Variants in SUMF1 observed in about 807,000 individuals in gnomAD.
SUMF1 encodes formylglycine-generating enzyme.
In SUMF1, 48 loss-of-function variants were observed where a neutral mutation model predicts 47.6. That is an observed-to-expected ratio of 1.01 (90% confidence interval 0.80 to 1.28). The LOEUF is 1.28. SUMF1 is among the 50% of genes most tolerant of loss of function. The pLI, the probability that SUMF1 is intolerant of heterozygous loss-of-function variation, is 0.00. For missense variants in SUMF1, 571 were observed against 485.4 expected, an observed-to-expected ratio of 1.18 and a Z score of -1.66; for synonymous variants, 230 against 192.1, an observed-to-expected ratio of 1.20 and a Z score of -1.63.
chr3:4,037,688 G>A (rs1694823823), intron 9 of SUMF1, among the ~76,000 whole-genome samples: 1 of 152,122 alleles, frequency 6.6e-6, no homozygotes, highest in African/African-American at 2.4e-5. Flanking sequence ...AAGAACCCTT[G>A]TTGGAGAACT....
At chr3:4,256,685 G>T (rs1383354161) in intron 8 of SUMF1, among the ~76,000 whole-genome samples, 5 of 152,086 alleles carry the variant, frequency 3.3e-5, no homozygotes, top group Non-Finnish European at 5.9e-5. Flanking sequence ...TCTACCAGAG[G>T]TACAAGGAGG....
chr3:4,250,807 C>A (rs764495211), intron 8 of SUMF1, among the ~76,000 whole-genome samples: 43 of 152,114 alleles, frequency 2.8e-4, no homozygotes, highest in Non-Finnish European at 5.3e-4. Flanking sequence ...GATATTTAAG[C>A]CCACTGTTGA....
At chr3:4,409,065 G>C (rs1056625335) in intron 7 of SUMF1, among the ~76,000 whole-genome samples, 3 of 152,098 alleles carry the variant, frequency 2.0e-5, no homozygotes, top group African/African-American at 7.2e-5. Flanking sequence ...TTTAAACAGG[G>C]GAGTGACCTC....
intron 8 of SUMF1, among the ~76,000 whole-genome samples, chr3:4,073,324 T>G (rs557420780): frequency 5.6e-4 from 85 of 151,984 alleles, no homozygotes; most frequent in African/African-American, 2.0e-3. Flanking sequence ...TTACAAGAGC[T>G]CCTAAAGGAA....
At chr3:4,340,540 C>T (rs1699250568) in intron 8 of SUMF1, among the ~76,000 whole-genome samples, 1 of 152,094 alleles carries the variant, frequency 6.6e-6, no homozygotes, top group East Asian at 1.9e-4. Context: ...AAGTGACTTG[C>T]GATGGGGGTG....
chr3:4,142,819 CA>C lies in SUMF1; in HGVS notation c.1015-74075del, dbSNP rs1334853392. The stretch of plus-strand genomic sequence containing the variant: ...AGAGGGGATTTGCAAATTGAGCCCC[CA>C]AAAAGCCATCCATGGACTCCAGGTT... On this transcript the variant is annotated intron_variant and NMD_transcript_variant, in intron 8 of 12. Transcript: ENST00000448413. Among the ~76,000 whole-genome samples the C allele has an allele frequency of 2.0e-5, 3 of 151,882 alleles. No individual in the cohort carries two copies. The East Asian group carries it at 5.8e-4, about 29-fold the overall frequency.
In SUMF1 at chr3:4,352,524, T is replaced by C. The variant is rs76452305; in HGVS notation, c.1014+23806A>G. ...AATACAGCCACCATCTGGGGAAAGATGGCTGGGGACATGGCAGGGTCCCAC... is the reference window on the plus strand; with the variant it reads ...AATACAGCCACCATCTGGGGAAAGACGGCTGGGGACATGGCAGGGTCCCAC... On this transcript the variant is annotated intron_variant and NMD_transcript_variant, in intron 8 of 12. Transcript: ENST00000448413. Among the ~76,000 whole-genome samples the C allele has an allele frequency of 2.4e-4, 36 of 152,236 alleles. No homozygotes were observed. The East Asian group carries it at 6.8e-3, about 29-fold the overall frequency.
intron 8 of SUMF1, among the ~76,000 whole-genome samples, chr3:4,170,132 A>G (rs549293565): frequency 4.1e-4 from 62 of 152,254 alleles, no homozygotes; most frequent in African/African-American, 1.3e-3. Context: ...TTATTTATAT[A>G]TTGTCTATGG....
intron 8 of SUMF1, among the ~76,000 whole-genome samples, chr3:4,176,878 G>C (rs1001778327): frequency 7.2e-5 from 11 of 152,020 alleles, no homozygotes; most frequent in African/African-American, 2.7e-4. Context: ...AAAAAAGCAG[G>C]GGTTGCAATC....
intron 3 of SUMF1, among the ~76,000 whole-genome samples, chr3:4,424,985 C>T (rs967237123): frequency 6.6e-5 from 10 of 152,194 alleles, no homozygotes; most frequent in Non-Finnish European, 1.5e-4. Context: ...CTGACCTCTA[C>T]CCACCAGATG....
At chr3:4,436,076 G>A (rs1702386491) in intron 3 of SUMF1, among the ~76,000 whole-genome samples, 1 of 152,150 alleles carries the variant, frequency 6.6e-6, no homozygotes, top group African/African-American at 2.4e-5. Flanking sequence ...GAGGCCAGGA[G>A]TTTGAGACCA....
chr3:4,317,588 G>C (rs1454300795), intron 8 of SUMF1: 1 of 164,420 alleles, frequency 6.1e-6, no homozygotes, highest in Non-Finnish European at 1.3e-5. Context: ...GAATAATAAC[G>C]ATCACACTTG....
chr3:4,211,177 TATATAC>T (rs1311750758), intron 8 of SUMF1, among the ~76,000 whole-genome samples: 99 of 110,966 alleles, frequency 8.9e-4, no homozygotes, highest in Non-Finnish European at 1.5e-3. Flanking sequence ...TACACACATA[TATATAC>T]ATATACATAT....
Position 4,253,993 on chromosome 3 carries a change from G to A in SUMF1, c.1014+122337C>T, listed in dbSNP as rs748545740. 2.2e-3 allele frequency among the ~76,000 whole-genome samples: 334 copies of A among 149,556 alleles called. 2 individuals are homozygous for A. The highest frequency in any genetic ancestry group is 3.6e-3 in the Non-Finnish European group (240 of 66,746). ...CAGCCTAACTGGGAGGCACCCCCCA[G>A]CAAGGGCACACTGACACCACACACA... On this transcript the variant is annotated intron_variant and NMD_transcript_variant, in intron 8 of 12. Transcript: ENST00000448413.
intron 3 of SUMF1, among the ~76,000 whole-genome samples, chr3:4,445,427 TC>T (rs1702747374): frequency 6.6e-6 from 1 of 152,182 alleles, no homozygotes; most frequent in African/African-American, 2.4e-5. Context: ...AACCTCGAAC[TC>T]CTGGGCTCAA....
chr3:4,121,277 T>G (rs1693534497), intron 8 of SUMF1, among the ~76,000 whole-genome samples: 1 of 152,140 alleles, frequency 6.6e-6, no homozygotes, highest in African/African-American at 2.4e-5. Context: ...GAGTCCAAAA[T>G]GATTAAATGA....
At chr3:4,354,823 C>T (rs1042163002) in intron 8 of SUMF1, among the ~76,000 whole-genome samples, 10 of 152,180 alleles carry the variant, frequency 6.6e-5, no homozygotes, top group African/African-American at 2.4e-4. Context: ...ACCTAGGAAG[C>T]ACTTATCCCA....
At chr3:4,044,048 C>G (rs554311586) in intron 9 of SUMF1, among the ~76,000 whole-genome samples, 1 of 152,206 alleles carries the variant, frequency 6.6e-6, no homozygotes, top group South Asian at 2.1e-4. Context: ...GTCATTTTGG[C>G]CTCTAGGGTG....
intron 8 of SUMF1, among the ~76,000 whole-genome samples, chr3:4,232,266 G>A (rs539004300): frequency 6.6e-6 from 1 of 152,120 alleles, no homozygotes; most frequent in African/African-American, 2.4e-5. Context: ...AGGCCAAGAT[G>A]AGGGAAAGAC....
Sources: allele counts gnomAD v4.1 joint callset (sites outside exome capture counted in the v4.1 genomes callset), GRCh38; gene constraint gnomAD v4.1.1; transcripts MANE v1.5; gene names NCBI Gene and HGNC (gene_info 2026-07-23, HGNC 2026-07-21).